The following NEK7 variants were observed in gnomAD, a reference collection of about 807,000 sequenced individuals.
NEK7 encodes NIMA related kinase 7.
In NEK7, 18 loss-of-function variants were observed where a neutral mutation model predicts 44.6. The observed-to-expected ratio is 0.40, with a 90% CI of 0.28 to 0.60. The LOEUF (loss-of-function observed/expected upper bound fraction) is 0.60, where lower values mean the gene tolerates loss of function less well. Ranked by LOEUF, NEK7 falls within the 20% of genes least tolerant of loss-of-function variation. The pLI, the probability that NEK7 is intolerant of heterozygous loss-of-function variation, is 0.38. For synonymous variants in NEK7, 130 were observed against 121.1 expected, an observed-to-expected ratio of 1.07 and a Z score of -0.48; for missense variants, 256 against 366.5, an observed-to-expected ratio of 0.70 and a Z score of 2.46.
chr1:198,247,953 G>A (rs1364735726), intron 2 of NEK7, among the ~76,000 whole-genome samples: 1 of 152,186 alleles, frequency 6.6e-6, no homozygotes, highest in Non-Finnish European at 1.5e-5. Context: ...TAAGCTGAAT[G>A]TAATGTGCTC....
chr1:198,295,682 A>T (rs114935143), intron 8 of NEK7, among the ~76,000 whole-genome samples: 219 of 152,042 alleles, frequency 1.4e-3, no homozygotes, highest in Non-Finnish European at 1.9e-3. Flanking sequence ...AACGCCTAGA[A>T]TATGATAATG....
chr1:198,189,645 G>A (rs1233037409), intron 1 of NEK7, among the ~76,000 whole-genome samples: 2 of 152,022 alleles, frequency 1.3e-5, no homozygotes, highest in African/African-American at 2.4e-5. Flanking sequence ...TAAGATGAAG[G>A]CAAATTTTAT....
rs141382904 is a variant in NEK7 at position 198,309,336 on chromosome 1, G to C, written c.799-10076G>C. On this transcript the variant is annotated intron_variant, in intron 9 of 9. Transcript: ENST00000367385. ...TTATGGTTAGAAAATAGGGTGGGGT[G>C]GGGGAAGGGAGAAGGAGTTTGGGGC... Among the ~76,000 whole-genome samples the C allele has an allele frequency of 5.6e-3, 847 of 152,168 alleles. 7 individuals are homozygous for C. Among genetic ancestry groups the C allele is most frequent in the African/African-American group, 0.018 (767 of 41,514 alleles).
At chr1:198,198,967 T>TG (rs1665330866) in intron 1 of NEK7, among the ~76,000 whole-genome samples, 1 of 152,222 alleles carries the variant, frequency 6.6e-6, no homozygotes, top group Non-Finnish European at 1.5e-5. Context: ...ACTGCTTATG[T>TG]GGGGGGCTAT....
chr1:198,170,872 G>A (rs1039659089), intron 1 of NEK7, among the ~76,000 whole-genome samples: 1 of 152,010 alleles, frequency 6.6e-6, no homozygotes. Flanking sequence ...TCAGAAACTC[G>A]CATCAAAATA....
At chr1:198,309,495 G>T (rs1008467847) in intron 9 of NEK7, among the ~76,000 whole-genome samples, 1 of 151,912 alleles carries the variant, frequency 6.6e-6, no homozygotes, top group Non-Finnish European at 1.5e-5. Flanking sequence ...TGTGCACAAT[G>T]TGCAGGTTAG....
At chr1:198,172,293 A>G (rs1387636532) in intron 1 of NEK7, among the ~76,000 whole-genome samples, 1 of 152,178 alleles carries the variant, frequency 6.6e-6, no homozygotes, top group Non-Finnish European at 1.5e-5. Flanking sequence ...ATGAAATGAA[A>G]TAAAGAAACT....
At chr1:198,270,924 G>A (rs1653817603) in intron 5 of NEK7, among the ~76,000 whole-genome samples, 1 of 152,040 alleles carries the variant, frequency 6.6e-6, no homozygotes, top group African/African-American at 2.4e-5. Flanking sequence ...AGCTCACTGA[G>A]GTTCAGGGTC....
chr1:198,191,509 A>G (rs1665073490), intron 1 of NEK7, among the ~76,000 whole-genome samples: 2 of 152,012 alleles, frequency 1.3e-5, no homozygotes, highest in South Asian at 2.1e-4. Flanking sequence ...GATTTTTTTC[A>G]TAAATCCTAG....
At chr1:198,288,204 A>G (rs1654438454) in intron 7 of NEK7, among the ~76,000 whole-genome samples, 1 of 152,234 alleles carries the variant, frequency 6.6e-6, no homozygotes, top group Admixed American at 6.5e-5. Context: ...ATGTTCAGTC[A>G]GTACTATAGG....
chr1:198,204,717 C>CA (rs58273857), intron 1 of NEK7, among the ~76,000 whole-genome samples: 1,797 of 87,300 alleles, frequency 0.021, 42 homozygotes, highest in Non-Finnish European at 0.025. Flanking sequence ...GACTCCGTCT[C>CA]AAAAAAAAAA....
chr1:198,286,420 CA>C (rs1654370485), intron 7 of NEK7, among the ~76,000 whole-genome samples: 1 of 143,236 alleles, frequency 7.0e-6, no homozygotes, highest in African/African-American at 2.6e-5. Flanking sequence ...TTAGAGGTCA[CA>C]CTTTTTTTTT....
At chr1:198,278,501 A>C (rs1435964420) in intron 6 of NEK7, among the ~76,000 whole-genome samples, 1 of 151,846 alleles carries the variant, frequency 6.6e-6, no homozygotes, top group African/African-American at 2.4e-5. Context: ...AAAAATTTTA[A>C]TACAATTCAT....
intron 8 of NEK7, 132 bp downstream of exon 8, chr1:198,293,171 G>A: frequency 5.5e-6 from 3 of 541,322 alleles, no homozygotes; most frequent in Admixed American, 3.2e-5. Flanking sequence ...ATTTTCGTTG[G>A]GTTAATAACT....
At chr1:198,297,356 A>G (rs1025629340) in intron 9 of NEK7, 116 bp downstream of exon 9, 2 of 1,266,012 alleles carry the variant, frequency 1.6e-6, no homozygotes, top group African/African-American at 1.5e-5. Flanking sequence ...TAGCAGAACT[A>G]GCACTTTTTA....
At chr1:198,171,808 A>G (rs6671879) in intron 1 of NEK7, among the ~76,000 whole-genome samples, 72,130 of 151,928 alleles carry the variant, frequency 0.47, 18,536 homozygotes, top group East Asian at 0.89. Context: ...GGAATGTCCC[A>G]CCTCTTCTCC....
At chr1:198,164,699 G>C (rs1338657813) in intron 1 of NEK7, among the ~76,000 whole-genome samples, 1 of 152,160 alleles carries the variant, frequency 6.6e-6, no homozygotes, top group Non-Finnish European at 1.5e-5. Context: ...CTGGTGGAGG[G>C]TCTTACCTCA....
intron 1 of NEK7, among the ~76,000 whole-genome samples, chr1:198,188,610 G>C (rs55987656): frequency 0.045 from 6,778 of 152,224 alleles, 243 homozygotes; most frequent in Middle Eastern, 0.065. Flanking sequence ...AGGGACAGAA[G>C]ATACTTAGAC....
intron 1 of NEK7, among the ~76,000 whole-genome samples, chr1:198,194,395 A>G (rs66623538): frequency 0.18 from 26,917 of 149,896 alleles, 2,668 homozygotes; most frequent in African/African-American, 0.24. Flanking sequence ...TGTCACCTGG[A>G]TATTAAGCCT....
Sources: gnomAD v4.1 joint callset for allele counts (sites outside exome capture counted in the v4.1 genomes callset) on GRCh38, gnomAD v4.1.1 for gene constraint, MANE v1.5 for transcripts, NCBI Gene and HGNC (gene_info 2026-07-23, HGNC 2026-07-21) for gene names.